AGBL4: variants seen among roughly 807,000 people sequenced by gnomAD.
AGBL4 encodes AGBL carboxypeptidase 4.
In AGBL4, 58 loss-of-function variants were observed where a neutral mutation model predicts 66.4. The observed-to-expected ratio is 0.87, with a 90% CI of 0.71 to 1.09. The LOEUF (loss-of-function observed/expected upper bound fraction) is 1.09, where lower values mean the gene tolerates loss of function less well. Ranked by LOEUF, AGBL4 falls within the 50% of genes least tolerant of loss-of-function variation. The pLI is 0.00. For synonymous variants in AGBL4, 234 were observed against 222.9 expected (o/e 1.05, Z -0.44); for missense variants, 579 against 631.0 (o/e 0.92, Z 0.88).
At chr1:49,291,944 C>T (rs1422191248) in intron 3 of AGBL4, among the ~76,000 whole-genome samples, 1 of 152,196 alleles carries the variant, frequency 6.6e-6, no homozygotes, top group East Asian at 1.9e-4. Flanking sequence ...AGGTAGGAGC[C>T]CTACCCCCAC....
At chr1:48,867,514 T>C (rs189809572) in intron 5 of AGBL4, among the ~76,000 whole-genome samples, 1 of 152,292 alleles carries the variant, frequency 6.6e-6, no homozygotes, top group Non-Finnish European at 1.5e-5. Flanking sequence ...GAGCAGAATG[T>C]GGCTCACCTA....
intron 4 of AGBL4, among the ~76,000 whole-genome samples, chr1:49,156,025 A>T (rs1291683190): frequency 6.6e-6 from 1 of 152,214 alleles, no homozygotes; most frequent in East Asian, 1.9e-4. Flanking sequence ...TCAGACGTTT[A>T]TTGAATACCA....
intron 2 of AGBL4, among the ~76,000 whole-genome samples, chr1:49,710,291 G>T (rs1160585311): frequency 1.3e-5 from 2 of 152,164 alleles, no homozygotes; most frequent in Non-Finnish European, 2.9e-5. Context: ...CCTTTGAAGG[G>T]ACATGTATGA....
chr1:49,366,855 T>C (rs766993015), intron 3 of AGBL4, among the ~76,000 whole-genome samples: 1 of 152,172 alleles, frequency 6.6e-6, no homozygotes, highest in Non-Finnish European at 1.5e-5. Flanking sequence ...TGGCTACAGC[T>C]GATGCAGAAT....
chr1:49,648,241 T>A (rs1355655650), intron 3 of AGBL4, among the ~76,000 whole-genome samples: 1 of 151,594 alleles, frequency 6.6e-6, no homozygotes, highest in Non-Finnish European at 1.5e-5. Context: ...ATGGGCTTAA[T>A]ATAGGCTGGA....
chr1:48,669,590 A>G (rs365925), intron 6 of AGBL4, among the ~76,000 whole-genome samples: 83,269 of 152,018 alleles, frequency 0.55, 23,168 homozygotes, highest in Middle Eastern at 0.66. Flanking sequence ...AACTGGCCTC[A>G]TCATTAACTC....
chr1:49,809,710 T>C (rs1419338400), intron 2 of AGBL4, among the ~76,000 whole-genome samples: 4 of 152,114 alleles, frequency 2.6e-5, no homozygotes, highest in African/African-American at 9.7e-5. Context: ...TAATGCAAAA[T>C]TAATACCAGC....
chr1:48,600,439 G>A (rs980550354), intron 9 of AGBL4, among the ~76,000 whole-genome samples: 3 of 151,112 alleles, frequency 2.0e-5, no homozygotes, highest in Admixed American at 6.6e-5. Flanking sequence ...CTCAGGAATA[G>A]GGTGGTTGTG....
intron 1 of AGBL4, among the ~76,000 whole-genome samples, chr1:49,866,288 A>G (rs1025374620): frequency 2.6e-5 from 4 of 152,144 alleles, no homozygotes; most frequent in Non-Finnish European, 5.9e-5. Context: ...GAGAAGATCA[A>G]TCCCAAGACA....
At chr1:49,224,670 C>CA (rs1399593720) in intron 4 of AGBL4, among the ~76,000 whole-genome samples, 4 of 150,618 alleles carry the variant, frequency 2.7e-5, no homozygotes, top group African/African-American at 9.8e-5. Context: ...TCAGCAGTAC[C>CA]AAAAAACTCA....
At chr1:48,759,016 T>G (rs763140197) in intron 6 of AGBL4, 1 of 1,614,054 alleles carries the variant, frequency 6.2e-7, no homozygotes, top group Non-Finnish European at 8.5e-7. Flanking sequence ...TTGTACCAGC[T>G]GCCTCCGAGT....
intron 6 of AGBL4, among the ~76,000 whole-genome samples, chr1:48,791,419 C>T (rs1011900192): frequency 6.6e-6 from 1 of 152,128 alleles, no homozygotes; most frequent in African/African-American, 2.4e-5. Context: ...GCTGCCCTCC[C>T]CCACCACTAC....
At chr1:48,575,944 C>A (rs933365515) in intron 11 of AGBL4, among the ~76,000 whole-genome samples, 6 of 152,188 alleles carry the variant, frequency 3.9e-5, no homozygotes, top group Non-Finnish European at 8.8e-5. Context: ...GGATTCCAGA[C>A]CCTCCCTGTC....
intron 5 of AGBL4, among the ~76,000 whole-genome samples, chr1:48,951,180 ACCAGTCAGT>A (rs762045340): frequency 1.8e-4 from 27 of 152,166 alleles, no homozygotes; most frequent in Non-Finnish European, 8.8e-5. Flanking sequence ...TAGAGAAAGG[ACCAGTCAGT>A]CCATGTGGAC....
At chr1:48,725,128 T>C (rs1018805669) in intron 6 of AGBL4, among the ~76,000 whole-genome samples, 5 of 152,228 alleles carry the variant, frequency 3.3e-5, no homozygotes, top group Non-Finnish European at 7.3e-5. Flanking sequence ...ACTCTCAATG[T>C]CAAATATCCT....
chr1:48,835,651 A>C (rs976735448), intron 6 of AGBL4, among the ~76,000 whole-genome samples: 4 of 152,196 alleles, frequency 2.6e-5, no homozygotes, highest in African/African-American at 4.8e-5. Flanking sequence ...CTATAATCTT[A>C]ATAAGCCTCT....
intron 3 of AGBL4, among the ~76,000 whole-genome samples, chr1:49,530,138 A>T (rs1413459001): frequency 6.6e-6 from 1 of 151,702 alleles, no homozygotes; most frequent in Non-Finnish European, 1.5e-5. Flanking sequence ...CTGAACCTAA[A>T]TTATCATCAA....
chr1:48,615,443 T>C (rs2148387301), intron 9 of AGBL4, among the ~76,000 whole-genome samples: 1 of 152,306 alleles, frequency 6.6e-6, no homozygotes, highest in South Asian at 2.1e-4. Flanking sequence ...AAATCTGAGC[T>C]ACAGGGGAAA....
chr1:49,034,650 T>C (rs1438981432), intron 5 of AGBL4, among the ~76,000 whole-genome samples: 1 of 152,146 alleles, frequency 6.6e-6, no homozygotes, highest in East Asian at 1.9e-4. Flanking sequence ...ACCCTTATGC[T>C]GTTCTCCTGA....
Sources: allele counts gnomAD v4.1 joint callset (sites outside exome capture counted in the v4.1 genomes callset), GRCh38; gene constraint gnomAD v4.1.1; transcripts MANE v1.5; gene names NCBI Gene and HGNC (gene_info 2026-07-23, HGNC 2026-07-21).